Variants in TSNARE1 observed in about 807,000 individuals in gnomAD.
The protein encoded by TSNARE1 is t-SNARE domain-containing protein 1.
A neutral mutation model predicts 62.0 loss-of-function variants in TSNARE1; 49 were observed. The observed-to-expected ratio is 0.79, with a 90% CI of 0.63 to 1.00. The LOEUF (loss-of-function observed/expected upper bound fraction) is 1.00. Among genes scored for constraint, TSNARE1 ranks in the 50% least tolerant of loss-of-function variants. The probability of loss-of-function intolerance (pLI) is 0.00; values close to 1 mark genes in which losing one functional copy is unlikely to be tolerated. For synonymous variants in TSNARE1, 328 were observed against 294.4 expected (o/e 1.11, Z -1.17); for missense variants, 755 against 700.1 (o/e 1.08, Z -0.88).
intron 1 of TSNARE1, among the ~76,000 whole-genome samples, chr8:142,393,931 C>A (rs1837719343): frequency 6.6e-6 from 1 of 152,184 alleles, no homozygotes; most frequent in South Asian, 2.1e-4. Context: ...TTCCTCCTGG[C>A]CAATGAACTG....
At chr8:142,317,500 T>C (rs754970525) in intron 7 of TSNARE1, among the ~76,000 whole-genome samples, 10 of 152,242 alleles carry the variant, frequency 6.6e-5, no homozygotes, top group Admixed American at 1.3e-4. Context: ...TCTCACACTG[T>C]GCTTATGAAG....
chr8:142,299,894 A>G (rs1825431358), intron 10 of TSNARE1, among the ~76,000 whole-genome samples: 1 of 152,276 alleles, frequency 6.6e-6, no homozygotes, highest in African/African-American at 2.4e-5. Context: ...ATACATGTGT[A>G]AACTTTAAAG....
intron 9 of TSNARE1, among the ~76,000 whole-genome samples, chr8:142,309,410 T>C (rs868524381): frequency 6.6e-6 from 1 of 152,248 alleles, no homozygotes; most frequent in South Asian, 2.1e-4. Flanking sequence ...AGATACCTTC[T>C]GGCAGATTAA....
chr8:142,248,712 G>A (rs1029134004), intron 12 of TSNARE1, among the ~76,000 whole-genome samples: 4 of 152,210 alleles, frequency 2.6e-5, no homozygotes, highest in African/African-American at 9.6e-5. Context: ...AGCCCGGAGG[G>A]AGGGGAAGCA....
At chr8:142,395,995 T>C (rs1837866751) in intron 1 of TSNARE1, among the ~76,000 whole-genome samples, 1 of 151,492 alleles carries the variant, frequency 6.6e-6, no homozygotes, top group African/African-American at 2.4e-5. Context: ...GGCAGACGCC[T>C]GTGGCTCTCT....
chr8:142,337,191 A>G (rs1461625828), intron 4 of TSNARE1, among the ~76,000 whole-genome samples: 1 of 152,264 alleles, frequency 6.6e-6, no homozygotes, highest in Non-Finnish European at 1.5e-5. Flanking sequence ...AATGATTAAT[A>G]AAATCAATCG....
intron 1 of TSNARE1, among the ~76,000 whole-genome samples, chr8:142,389,652 C>T (rs939755948): frequency 2.0e-5 from 3 of 152,012 alleles, no homozygotes; most frequent in Non-Finnish European, 4.4e-5. Flanking sequence ...AAGAAAGGAA[C>T]CCTGGACTGA....
At chr8:142,376,716 G>A (rs1836371406) in intron 1 of TSNARE1, among the ~76,000 whole-genome samples, 1 of 152,224 alleles carries the variant, frequency 6.6e-6, no homozygotes, top group South Asian at 2.1e-4. Flanking sequence ...AGGCCAGCTG[G>A]AGAGCCCACC....
intron 3 of TSNARE1, among the ~76,000 whole-genome samples, chr8:142,344,841 T>C (rs1404983102): frequency 1.3e-5 from 2 of 152,140 alleles, no homozygotes; most frequent in African/African-American, 4.8e-5. Flanking sequence ...GCTGGGCTGC[T>C]CCCGGGATCA....
At chr8:142,303,810 C>T (rs1044392379) in intron 9 of TSNARE1, among the ~76,000 whole-genome samples, 2 of 152,180 alleles carry the variant, frequency 1.3e-5, no homozygotes, top group African/African-American at 4.8e-5. Context: ...ACAGGACCAA[C>T]AGCCACAGCA....
At chr8:142,293,703 AC>A (rs1218501312) in intron 10 of TSNARE1, among the ~76,000 whole-genome samples, 1 of 152,188 alleles carries the variant, frequency 6.6e-6, no homozygotes, top group Non-Finnish European at 1.5e-5. Flanking sequence ...TGGCTGCCAG[AC>A]AGCTCTGGCC....
chr8:142,274,203 A>T, intron 12 of TSNARE1: 1 of 985,382 alleles, frequency 1.0e-6, no homozygotes, highest in Non-Finnish European at 1.2e-6. Context: ...CAGTGAGGGG[A>T]AGACAGCGGC....
At chr8:142,325,593 T>A (rs1389060757) in intron 6 of TSNARE1, among the ~76,000 whole-genome samples, 2 of 151,810 alleles carry the variant, frequency 1.3e-5, no homozygotes, top group African/African-American at 4.8e-5. Context: ...GTCCTGGAGG[T>A]CCCTTCCTTG....
intron 12 of TSNARE1, among the ~76,000 whole-genome samples, chr8:142,235,735 T>G (rs557801272): frequency 6.6e-6 from 1 of 152,286 alleles, no homozygotes; most frequent in Admixed American, 6.5e-5. Flanking sequence ...GGGCACTCAC[T>G]TTAGGCCAAA....
At chr8:142,305,454 G>A (rs1189429582) in intron 9 of TSNARE1, among the ~76,000 whole-genome samples, 4 of 152,080 alleles carry the variant, frequency 2.6e-5, no homozygotes, top group Middle Eastern at 3.2e-3. Context: ...ACTGGGATGC[G>A]AGCCGTGTGG....
Position 142,299,337 on chromosome 8 carries a change from T to A in TSNARE1, c.1290+1149A>T, listed in dbSNP as rs191702668. Among the ~76,000 whole-genome samples, 455 of 152,332 alleles carry A rather than the reference T, an allele frequency of 3.0e-3. 3 individuals are homozygous for A. Among genetic ancestry groups the A allele is most frequent in the Middle Eastern group, 0.02 (6 of 294 alleles). On this transcript the variant is annotated intron_variant, in intron 10 of 13. Coordinates refer to ENST00000524325, the MANE Select transcript of TSNARE1 (RefSeq NM_145003.5). ...CAGCCACAGGTACTAACCCAGTGAC[T>A]TAGCTGAATTACTGCCAGGCCTCTG...
At chr8:142,284,205 G>A (rs1822292871) in intron 11 of TSNARE1, among the ~76,000 whole-genome samples, 1 of 152,218 alleles carries the variant, frequency 6.6e-6, no homozygotes, top group Admixed American at 6.5e-5. Flanking sequence ...TCAATGAGCG[G>A]AGCAGGGACT....
chr8:142,343,528 G>A (rs1193743529), intron 4 of TSNARE1, among the ~76,000 whole-genome samples: 2 of 151,730 alleles, frequency 1.3e-5, no homozygotes, highest in African/African-American at 2.4e-5. Flanking sequence ...GGTGACGGGA[G>A]AACTCTGTCC....
intron 11 of TSNARE1, 180 bp from the exon 12 acceptor site, chr8:142,275,043 G>T: frequency 1.0e-6 from 1 of 985,432 alleles, no homozygotes. Context: ...GTGGGCAGTG[G>T]GCAGCAATGA....
Sources: allele counts gnomAD v4.1 joint callset (sites outside exome capture counted in the v4.1 genomes callset), GRCh38; gene constraint gnomAD v4.1.1; transcripts MANE v1.5; gene names NCBI Gene and HGNC (gene_info 2026-07-23, HGNC 2026-07-21).